Variants in SUGCT observed in about 807,000 individuals in gnomAD.
SUGCT encodes succinyl-CoA:glutarate-CoA transferase, also known as succinyl-CoA:glutarate CoA-transferase.
A neutral mutation model predicts 55.0 loss-of-function variants in SUGCT; 41 were observed. The ratio of observed to expected loss-of-function variants is 0.74; its 90% CI spans 0.58 to 0.97. The LOEUF (loss-of-function observed/expected upper bound fraction) is 0.97. Ranked by LOEUF, SUGCT falls within the 50% of genes least tolerant of loss-of-function variation. The pLI, the probability that SUGCT is intolerant of heterozygous loss-of-function variation, is 0.00. For missense variants in SUGCT, 568 were observed against 547.8 expected (o/e 1.04, Z -0.37); for synonymous variants, 187 against 200.4 (o/e 0.93, Z 0.56).
At chr7:40,204,707 G>A (rs115735897) in intron 6 of SUGCT, among the ~76,000 whole-genome samples, 2,710 of 151,118 alleles carry the variant, frequency 0.018, 73 homozygotes, top group African/African-American at 0.063. Context: ...AGAGGATTGC[G>A]TGAGGGTCAG....
At chr7:40,436,870 G>A (rs1278291775) in intron 9 of SUGCT, among the ~76,000 whole-genome samples, 1 of 151,326 alleles carries the variant, frequency 6.6e-6, no homozygotes, top group African/African-American at 2.4e-5. Flanking sequence ...TTTTACCTTG[G>A]GGTGTTGCTG....
At chr7:40,547,093 A>G (rs546029168) in intron 12 of SUGCT, among the ~76,000 whole-genome samples, 1 of 152,298 alleles carries the variant, frequency 6.6e-6, no homozygotes, top group South Asian at 2.1e-4. Context: ...TGAGTAATTG[A>G]ATCATGTGAT....
chr7:40,374,118 A>G (rs1194195479), intron 9 of SUGCT, among the ~76,000 whole-genome samples: 1 of 152,196 alleles, frequency 6.6e-6, no homozygotes, highest in Non-Finnish European at 1.5e-5. Context: ...GAGGCAAAAT[A>G]TTAACAACAT....
At chr7:40,416,168 T>G (rs185831099) in intron 9 of SUGCT, among the ~76,000 whole-genome samples, 2,038 of 151,420 alleles carry the variant, frequency 0.013, 18 homozygotes, top group Non-Finnish European at 0.022. Context: ...AAATAGAGGG[T>G]TTTTTTTGTT....
intron 13 of SUGCT, among the ~76,000 whole-genome samples, chr7:40,821,443 C>A (rs750231362): frequency 3.6e-4 from 55 of 152,110 alleles, no homozygotes; most frequent in Non-Finnish European, 4.1e-4. Context: ...AATTTTAGAG[C>A]CTGTTATTTG....
intron 13 of SUGCT, among the ~76,000 whole-genome samples, chr7:40,797,238 A>G (rs1790592491): frequency 6.6e-6 from 1 of 152,232 alleles, no homozygotes; most frequent in Non-Finnish European, 1.5e-5. Context: ...CCAGCATTTC[A>G]TAGTTATAGC....
At chr7:40,173,334 G>A (rs535569057) in intron 1 of SUGCT, among the ~76,000 whole-genome samples, 14 of 152,342 alleles carry the variant, frequency 9.2e-5, no homozygotes, top group African/African-American at 1.9e-4. Flanking sequence ...TGCCAGATCC[G>A]GAGGGGTGGA....
At chr7:40,783,369 T>C (rs1288564694) in intron 13 of SUGCT, 1 of 152,188 alleles carries the variant, frequency 6.6e-6, no homozygotes, top group African/African-American at 2.4e-5. Context: ...TTCAGAAAGC[T>C]TTTCTTAATT....
At chr7:40,827,336 C>T (rs775430457) in intron 13 of SUGCT, among the ~76,000 whole-genome samples, 5 of 152,116 alleles carry the variant, frequency 3.3e-5, no homozygotes, top group South Asian at 4.1e-4. Context: ...CCACTGGAAT[C>T]GGGCACCTGC....
chr7:40,166,701 A>G (rs938874100), intron 1 of SUGCT, among the ~76,000 whole-genome samples: 8 of 152,126 alleles, frequency 5.3e-5, no homozygotes, highest in African/African-American at 1.9e-4. Context: ...AGCCTAGCCT[A>G]CATGATGAAA....
chr7:40,626,268 T>G (rs2151800400), intron 12 of SUGCT, among the ~76,000 whole-genome samples: 1 of 152,266 alleles, frequency 6.6e-6, no homozygotes, highest in East Asian at 1.9e-4. Flanking sequence ...TCTCTCTTTT[T>G]TTTTTGGAGA....
chr7:40,733,252 T>C (rs1321099891), intron 12 of SUGCT, among the ~76,000 whole-genome samples: 1 of 152,114 alleles, frequency 6.6e-6, no homozygotes, highest in African/African-American at 2.4e-5. Flanking sequence ...TATATATACA[T>C]GACTCAGCCC....
rs557981212 is a variant in SUGCT at position 40,424,141 on chromosome 7, C to T, written c.817-25146C>T. Among the ~76,000 whole-genome samples, 4 of 152,192 alleles carry T rather than the reference C, an allele frequency of 2.6e-5. No individual in the cohort carries two copies. In the South Asian group the frequency reaches 6.2e-4, roughly 24 times the overall value. ...TAGTTCCTCAAATGTTAAAAACAGT[C>T]GAGTCCAAGATAATCAGTTAAAATC... is the stretch of plus-strand genomic sequence containing the variant. On this transcript the variant is annotated intron_variant, in intron 9 of 13. Coordinates refer to ENST00000335693, the MANE Select transcript of SUGCT (RefSeq NM_001193313.2).
intron 12 of SUGCT, among the ~76,000 whole-genome samples, chr7:40,534,080 G>A (rs921931712): frequency 2.0e-5 from 3 of 151,998 alleles, no homozygotes; most frequent in African/African-American, 4.8e-5. Flanking sequence ...TAAATTTTTA[G>A]GAAAATAACT....
At chr7:40,940,844 C>T in the SUGCT span, among the ~76,000 whole-genome samples, 3 of 152,022 alleles carry the variant, frequency 2.0e-5, no homozygotes, top group East Asian at 5.8e-4. Flanking sequence ...TCCTCTTTCC[C>T]AATTTGGATG....
intron 1 of SUGCT, among the ~76,000 whole-genome samples, chr7:40,164,072 G>A (rs888354893): frequency 2.0e-5 from 3 of 151,716 alleles, no homozygotes; most frequent in African/African-American, 4.8e-5. Flanking sequence ...TGTCCACCTC[G>A]GCCCCCCAAA....
chr7:40,160,624 G>T (rs1432802410), intron 1 of SUGCT, among the ~76,000 whole-genome samples: 2 of 152,110 alleles, frequency 1.3e-5, no homozygotes, highest in Non-Finnish European at 2.9e-5. Flanking sequence ...ACTGATAAAA[G>T]ATTAATATTC....
chr7:40,283,144 G>A (rs1233313124), intron 8 of SUGCT, among the ~76,000 whole-genome samples: 2 of 151,806 alleles, frequency 1.3e-5, no homozygotes, highest in Non-Finnish European at 2.9e-5. Flanking sequence ...ATCTGATAAG[G>A]GGTTGTTATC....
chr7:40,289,150 A>G (rs538297126), intron 8 of SUGCT, among the ~76,000 whole-genome samples: 1 of 152,250 alleles, frequency 6.6e-6, no homozygotes, highest in Non-Finnish European at 1.5e-5. Flanking sequence ...AACATCATAG[A>G]TGTGATTAAA....
Sources: gnomAD v4.1 joint callset for allele counts (sites outside exome capture counted in the v4.1 genomes callset) on GRCh38, gnomAD v4.1.1 for gene constraint, MANE v1.5 for transcripts, NCBI Gene and HGNC (gene_info 2026-07-23, HGNC 2026-07-21) for gene names.